The following GSE1 variants were observed in gnomAD, a reference collection of about 807,000 sequenced individuals.
GSE1 encodes the protein genetic suppressor element 1.
A neutral mutation model predicts 112.6 loss-of-function variants in GSE1; 32 were observed. The ratio of observed to expected loss-of-function variants is 0.28; its 90% confidence interval spans 0.21 to 0.38. The LOEUF (loss-of-function observed/expected upper bound fraction) is 0.38. Ranked by LOEUF, GSE1 falls within the 10% of genes least tolerant of loss-of-function variation. The pLI, the probability that GSE1 is intolerant of heterozygous loss-of-function variation, is 1.00. For synonymous variants in GSE1, 1,115 were observed against 735.6 expected, an observed-to-expected ratio of 1.52 and a Z score of -8.35; for missense variants, 2,348 against 1,699.2, an observed-to-expected ratio of 1.38 and a Z score of -6.71.
At chr16:85,522,357 C>T (rs926383993) in intron 2 of GSE1, among the ~76,000 whole-genome samples, 23 of 152,030 alleles carry the variant, frequency 1.5e-4, no homozygotes, top group African/African-American at 5.3e-4. Flanking sequence ...CCCCATAGCC[C>T]CCTGCCCCCA....
At chr16:85,316,242 T>C (rs965988680) in intron 1 of GSE1, among the ~76,000 whole-genome samples, 1 of 152,264 alleles carries the variant, frequency 6.6e-6, no homozygotes, top group African/African-American at 2.4e-5. Flanking sequence ...TTTATTTTAA[T>C]ATATTCTCTC....
intron 2 of GSE1, among the ~76,000 whole-genome samples, chr16:85,516,954 C>T (rs961658907): frequency 1.6e-4 from 25 of 152,128 alleles, no homozygotes; most frequent in Admixed American, 1.3e-3. Context: ...CCTGTCACCA[C>T]GCCCGGCTAA....
At position 85,383,034 on chromosome 16, in the gene GSE1, A is replaced by G. The variant is rs369422993; in HGVS notation, c.2464+25391A>G. On this transcript the variant is annotated intron_variant, in intron 2 of 2. Transcript: ENST00000637419. ...CACACGGTTGCACCCACACATGCAC[A>G]CACACACCGTGTACATGCATGTGCG... Among the ~76,000 whole-genome samples, 300 of 151,638 alleles carry G rather than the reference A, an allele frequency of 2.0e-3. 2 individuals carry two copies. The highest frequency in any genetic ancestry group is 6.3e-3 in the African/African-American group (257 of 41,084).
chr16:85,660,467 T>C (rs962445303), intron 8 of GSE1, among the ~76,000 whole-genome samples: 3 of 151,982 alleles, frequency 2.0e-5, no homozygotes, highest in Non-Finnish European at 2.9e-5. Context: ...TGAAACCCTA[T>C]CTCTACTAAA....
intron 1 of GSE1, among the ~76,000 whole-genome samples, chr16:85,297,421 G>A (rs899188923): frequency 2.6e-5 from 4 of 152,216 alleles, no homozygotes; most frequent in South Asian, 2.1e-4. Flanking sequence ...CCCAGATGAC[G>A]TCTTAGTTTT....
chr16:85,559,578 A>G lies in GSE1; in HGVS notation c.37+3215A>G, dbSNP rs114982697. Reference sequence around the variant, plus strand: ...ATTGCCCCAGGGGCAGTTCACAGTCAGGCTGGCATCAGGCACCCGCTGCTC... The same window carrying G: ...ATTGCCCCAGGGGCAGTTCACAGTCGGGCTGGCATCAGGCACCCGCTGCTC... On this transcript the variant is annotated intron_variant, in intron 1 of 2. Coordinates refer to the GSE1 transcript ENST00000635906. Among the ~76,000 whole-genome samples the G allele has an allele frequency of 4.0e-3, 615 of 152,364 alleles. 3 individuals carry two copies. Among genetic ancestry groups the G allele is most frequent in the African/African-American group, 0.014 (591 of 41,578 alleles).
intron 1 of GSE1, among the ~76,000 whole-genome samples, chr16:85,231,350 G>A (rs1489117523): frequency 6.6e-6 from 1 of 150,994 alleles, no homozygotes; most frequent in East Asian, 2.0e-4. Flanking sequence ...TGGACAGATG[G>A]ATGATGGATG....
intron 2 of GSE1, among the ~76,000 whole-genome samples, chr16:85,456,405 C>T (rs2049826329): frequency 1.3e-5 from 2 of 152,118 alleles, no homozygotes; most frequent in Non-Finnish European, 2.9e-5. Flanking sequence ...CCATCTCTAC[C>T]ACCCTCTGCC....
chr16:85,620,446 C>G (rs1315036777), intron 1 of GSE1, among the ~76,000 whole-genome samples: 1 of 152,166 alleles, frequency 6.6e-6, no homozygotes, highest in East Asian at 1.9e-4. Context: ...CTTAAATATA[C>G]GAGGATCCAC....
chr16:85,612,019 C>G (rs1318043328), upstream of GSE1, among the ~76,000 whole-genome samples: 1 of 151,854 alleles, frequency 6.6e-6, no homozygotes, highest in Non-Finnish European at 1.5e-5. Flanking sequence ...GGCGGCCGCC[C>G]AGGGGGTGCT....
At position 85,527,691 on chromosome 16, in the gene GSE1, C is replaced by T. The variant is rs566277619; in HGVS notation, c.2465-106223C>T. ...TGGCAGGGGAATGTGGGGCCAGCAG[C>T]GGGCCGGGGAAGTGGGCTGATTGCA... is the stretch of plus-strand genomic sequence containing the variant. On this transcript the variant is annotated intron_variant, in intron 2 of 2. Coordinates refer to the GSE1 transcript ENST00000637419. 3.9e-5 allele frequency among the ~76,000 whole-genome samples: 6 copies of T among 152,358 alleles called. No individual in the cohort carries two copies. In the South Asian group the frequency reaches 1.0e-3, roughly 26 times the overall value.
chr16:85,313,495 C>T lies in GSE1; in HGVS notation c.2284-43968C>T, dbSNP rs2045908073. 2.6e-5 allele frequency among the ~76,000 whole-genome samples: 4 copies of T among 152,270 alleles called. No individual in the cohort carries two copies. The South Asian group carries it at 6.2e-4, about 24-fold the overall frequency. Reference sequence around the variant, plus strand: ...CCCCTTTTCCCTTTCATGTTGGCCCCGAGGAAGCCAAGCAGAATATTACCA... The same window carrying T: ...CCCCTTTTCCCTTTCATGTTGGCCCTGAGGAAGCCAAGCAGAATATTACCA... On this transcript the variant is annotated intron_variant, in intron 1 of 2. Transcript: ENST00000637419.
chr16:85,363,126 C>G (rs527884851), intron 2 of GSE1, among the ~76,000 whole-genome samples: 68 of 152,288 alleles, frequency 4.5e-4, no homozygotes, highest in African/African-American at 1.5e-3. Context: ...CGTGAGCCAC[C>G]GCACCCGCTG....
At chr16:85,569,138 A>G (rs539531571) in intron 1 of GSE1, among the ~76,000 whole-genome samples, 1 of 152,144 alleles carries the variant, frequency 6.6e-6, no homozygotes, top group South Asian at 2.1e-4. Flanking sequence ...TTTCTCCCCG[A>G]CAGGGCCAAC....
chr16:85,573,281 G>T (rs1176692226), intron 1 of GSE1, among the ~76,000 whole-genome samples: 3 of 152,182 alleles, frequency 2.0e-5, no homozygotes, highest in African/African-American at 7.2e-5. Context: ...GCGCTGCACT[G>T]TGCTGGGCTA....
intron 1 of GSE1, among the ~76,000 whole-genome samples, chr16:85,620,683 A>C (rs1406014208): frequency 3.3e-5 from 5 of 152,254 alleles, no homozygotes; most frequent in African/African-American, 1.2e-4. Context: ...CTGGCGCCCC[A>C]CTCAGCCCTG....
At chr16:85,584,822 G>A (rs1305877640) in intron 1 of GSE1, among the ~76,000 whole-genome samples, 1 of 152,148 alleles carries the variant, frequency 6.6e-6, no homozygotes, top group African/African-American at 2.4e-5. Context: ...AGCAGGGTGT[G>A]GGGGTGGCTC....
intron 1 of GSE1, among the ~76,000 whole-genome samples, chr16:85,284,595 T>C (rs1205917202): frequency 6.6e-6 from 1 of 152,206 alleles, no homozygotes; most frequent in Non-Finnish European, 1.5e-5. Context: ...GTGCAGATGC[T>C]GTATTCGAGC....
intron 2 of GSE1, among the ~76,000 whole-genome samples, chr16:85,541,679 G>A (rs16975736): frequency 0.012 from 1,779 of 152,344 alleles, 118 homozygotes; most frequent in Admixed American, 0.1. Context: ...GCAAAGCCAC[G>A]GGGCACGGTG....
Sources: allele counts gnomAD v4.1 joint callset (sites outside exome capture counted in the v4.1 genomes callset), GRCh38; gene constraint gnomAD v4.1.1; transcripts MANE v1.5; gene names NCBI Gene and HGNC (gene_info 2026-07-23, HGNC 2026-07-21).